The following USP42 variants were observed in gnomAD, a reference collection of about 807,000 sequenced individuals.
The protein encoded by USP42 is ubiquitin carboxyl-terminal hydrolase 42.
USP42 carries 23 observed loss-of-function variants against 113.0 expected under a neutral mutation model. That is an observed-to-expected ratio of 0.20 (90% CI 0.15 to 0.29). The LOEUF (loss-of-function observed/expected upper bound fraction) is 0.29, where lower values mean the gene tolerates loss of function less well. Ranked by LOEUF, USP42 falls within the 10% of genes least tolerant of loss-of-function variation. The pLI, the probability that USP42 is intolerant of heterozygous loss-of-function variation, is 1.00. For missense variants in USP42, 2,174 were observed against 1,779.8 expected (o/e 1.22, Z -3.99); for synonymous variants, 933 against 699.0 (o/e 1.33, Z -5.28).
intron 1 of USP42, among the ~76,000 whole-genome samples, chr7:6,110,903 G>T (rs1245068665): frequency 1.3e-5 from 2 of 152,178 alleles, no homozygotes; most frequent in African/African-American, 4.8e-5. Context: ...CTTCACTGAA[G>T]ATTTTAAAAT....
At position 6,155,111 on chromosome 7, in the gene USP42, C is replaced by T. The variant is rs549194381; in HGVS notation, c.3557C>T (p.Pro1186Leu). Residue 1186 changes from proline to leucine, a missense_variant, in exon 15 of 18, where the codon CCT (proline) becomes CTT (leucine). Pro to Leu is a moderately conservative substitution (Grantham distance 98). Transcript: ENST00000306177. ...KKARRSEQKD[P>L]LEEPKAKKHK... ...GCCCGGAGGAGCGAACAGAAGGATCCTCTAGAAGAGCCTAAAGCAAAGAAG... is the reference window on the plus strand; with the variant it reads ...GCCCGGAGGAGCGAACAGAAGGATCTTCTAGAAGAGCCTAAAGCAAAGAAG... The T allele has an allele frequency of 2.1e-5, 33 of 1,558,974 alleles. No individual in the cohort carries two copies. The African/African-American group carries it at 3.0e-4, about 14-fold the overall frequency.
chr7:6,156,776 T>C lies in USP42; in HGVS notation c.3664T>C (p.Ser1222Pro). The C allele has an allele frequency of 6.4e-7, 1 of 1,569,446 alleles. No homozygotes were observed. Among genetic ancestry groups the C allele is most frequent in the East Asian group, 2.2e-5 (1 of 44,676 alleles). ...DSRHQQDSDL[S>P]AACSDADLHR... ...CAGGCATCAGCAGGACTCAGACCTC[T>C]CAGCAGCGTGCTCTGACGCTGACCT... is the stretch of plus-strand genomic sequence containing the variant. The change falls in exon 16 of 18, where the codon TCA becomes CCA. Residue 1222 changes from serine (S) to proline (P), a missense_variant. Physicochemically the swap from Ser to Pro is moderately conservative, Grantham distance 74. Transcript: ENST00000306177.
At chr7:6,155,793 C>A (rs1365718068) in intron 15 of USP42, among the ~76,000 whole-genome samples, 1 of 152,134 alleles carries the variant, frequency 6.6e-6, no homozygotes, top group African/African-American at 2.4e-5. Flanking sequence ...GCTCTGTCAC[C>A]CAGGCTGGAG....
At chr7:6,116,898 G>T (rs778601962) in intron 3 of USP42, 6 of 516,182 alleles carry the variant, frequency 1.2e-5, no homozygotes. Flanking sequence ...GCAAGAGAGA[G>T]GACCAAGACA....
At chr7:6,126,373 C>T (rs1330935079) in intron 3 of USP42, among the ~76,000 whole-genome samples, 1 of 152,004 alleles carries the variant, frequency 6.6e-6, no homozygotes, top group African/African-American at 2.4e-5. Context: ...CAGGCTTCGC[C>T]TCCTGGCTTC....
At chr7:6,085,626 T>TA in the USP42 span, among the ~76,000 whole-genome samples, 945 of 146,688 alleles carry the variant, frequency 6.4e-3, 49 homozygotes, top group African/African-American at 0.023. Flanking sequence ...ATATATATAT[T>TA]TTTTTTGAGA....
Position 6,161,535 on chromosome 7 carries a change from T to C in USP42, c.*1017T>C, listed in dbSNP as rs1436121150. On this transcript the variant is annotated 3_prime_UTR_variant, in exon 18 of 18. Coordinates refer to ENST00000306177, the MANE Select transcript of USP42 (RefSeq NM_032172.3). ...CTGTAAATATACAGCATGTAAAATT[T>C]CTATAGTATATAAATGGCAGCAAAT... The C allele has an allele frequency of 1.3e-5, 2 of 152,658 alleles. No individual in the cohort carries two copies. The highest frequency in any genetic ancestry group is 4.8e-5 in the African/African-American group (2 of 41,450). 9.5% of individuals were successfully genotyped at this position (152,658 alleles called of 1,614,324 possible).
chr7:6,096,111 A>C, the USP42 span, among the ~76,000 whole-genome samples: 1 of 150,906 alleles, frequency 6.6e-6, no homozygotes, highest in South Asian at 2.1e-4. Flanking sequence ...GAATCTGGGC[A>C]GATGTTCGTG....
rs776640743 is a variant in USP42 at position 6,159,058 on chromosome 7, C to T, written c.3944-392C>T. Among the ~76,000 whole-genome samples the T allele has an allele frequency of 2.0e-4, 31 of 152,302 alleles. No homozygotes were observed. The highest frequency in any genetic ancestry group is 4.1e-4 in the Non-Finnish European group (28 of 68,022). ...AGCCTTTCTTGTCCTTCTGAGAAGG[C>T]CGCTGCCCGGCCCCGCCTCACCCAG... On this transcript the variant is annotated intron_variant, in intron 16 of 17. Coordinates refer to ENST00000306177, the MANE Select transcript of USP42 (RefSeq NM_032172.3). This position sits in a 1 kb window ranked among gnomAD's most constrained non-coding sequence, Gnocchi z 4.1.
At position 6,143,321 on chromosome 7, in the gene USP42, G is replaced by A. The variant is rs563196258; in HGVS notation, c.878+307G>A. ...TGCTGCTTCAGGTGTGGCTGGGCAC[G>A]CACTGTCTGCCAAATAGCATTTTCA... On this transcript the variant is annotated intron_variant, in intron 8 of 17. Coordinates refer to ENST00000306177, the MANE Select transcript of USP42 (RefSeq NM_032172.3). Among the ~76,000 whole-genome samples, 45 of 152,282 alleles carry A rather than the reference G, an allele frequency of 3.0e-4. 1 individual carries two copies. In the South Asian group the frequency reaches 6.4e-3, roughly 22 times the overall value.
At chr7:6,123,183 C>T (rs568102121) in intron 3 of USP42, among the ~76,000 whole-genome samples, 1 of 152,100 alleles carries the variant, frequency 6.6e-6, no homozygotes, top group African/African-American at 2.4e-5. Context: ...CCCTCTTCAT[C>T]CCAAATAATA....
At chr7:6,116,242 C>A (rs10272684) in intron 3 of USP42, among the ~76,000 whole-genome samples, 51,699 of 151,986 alleles carry the variant, frequency 0.34, 11,736 homozygotes, top group East Asian at 0.73. Context: ...GAGGGACTCT[C>A]TTGTCACTGC....
upstream of USP42, among the ~76,000 whole-genome samples, chr7:6,104,215 T>A (rs1393420037): frequency 1.3e-5 from 2 of 151,314 alleles, 1 homozygote; most frequent in African/African-American, 4.9e-5. Flanking sequence ...CCCGAGTAGC[T>A]GGGACTACAG....
At chr7:6,107,696 C>T (rs1171825879) in intron 1 of USP42, among the ~76,000 whole-genome samples, 4 of 152,028 alleles carry the variant, frequency 2.6e-5, no homozygotes, top group African/African-American at 9.7e-5. Context: ...GGTGTGAGCA[C>T]CTGCGCCCGG....
rs568642511 is a variant in USP42, at chr7:6,150,056, G to A, written c.1860G>A (p.Lys620=). The change falls in exon 13 of 18, where the codon AAG becomes AAA. Residue 620 remains lysine, a synonymous_variant. Coordinates refer to ENST00000306177, the MANE Select transcript of USP42 (RefSeq NM_032172.3). ...CTGAGGACTCTGACGAGGAGTCAAA[G>A]GGGCTGGGCAAGGAGAATGGGATTG... ...ESSEDSDEES[K]GLGKENGIGT... 6 of 1,609,840 alleles carry A rather than the reference G, an allele frequency of 3.7e-6. No individual in the cohort carries two copies. The highest frequency in any genetic ancestry group is 3.4e-5 in the Admixed American group (2 of 59,088).
intron 1 of USP42, among the ~76,000 whole-genome samples, chr7:6,107,115 GCGAATGGATAGC>G (rs1388235864): frequency 3.3e-5 from 5 of 152,320 alleles, no homozygotes; most frequent in Admixed American, 3.3e-4. Flanking sequence ...ACAAATGAAG[GCGAATGGATAGC>G]TTTGGTTGGT....
In USP42 at chr7:6,154,730, G is replaced by GCCGGTACTA. The variant is rs1782323037; in HGVS notation, c.3179_3187dup (p.Arg1060_Tyr1062dup). Reference sequence around the variant, plus strand: ...CCCGACAGGCCGCGCTGGGACAGGTGCCGGTACTACCATGACAGGTACGCC... The same window carrying GCCGGTACTA: ...CCCGACAGGCCGCGCTGGGACAGGTGCCGGTACTACCGGTACTACCATGACAGGTACGCC... On this transcript the variant is annotated inframe_insertion, in exon 15 of 18. Transcript: ENST00000306177. 6.3e-7 allele frequency: 1 copy of GCCGGTACTA among 1,585,002 alleles called. No individual in the cohort carries two copies. The highest frequency in any genetic ancestry group is 8.6e-7 in the Non-Finnish European group (1 of 1,167,278).
At chr7:6,143,894 A>AAG (rs1328478270) in intron 8 of USP42, among the ~76,000 whole-genome samples, 191 bp from the exon 9 acceptor site, 1 of 152,098 alleles carries the variant, frequency 6.6e-6, no homozygotes, top group Non-Finnish European at 1.5e-5. Flanking sequence ...TTTCATGCTA[A>AAG]TTAAGCAGTT....
Position 6,150,045 on chromosome 7 carries a change from G to C in USP42, c.1849G>C (p.Glu617Gln). Residue 617 changes from glutamate to glutamine, a missense_variant, in exon 13 of 18, where the codon GAG (glutamate) becomes CAG (glutamine). Transcript: ENST00000306177. ...CGCCGAGTCCTCTGAGGACTCTGAC[G>C]AGGAGTCAAAGGGGCTGGGCAAGGA... is the stretch of plus-strand genomic sequence containing the variant. ...YGAESSEDSD[E>Q]ESKGLGKENG... The C allele has an allele frequency of 6.2e-7, 1 of 1,610,758 alleles. No homozygotes were observed. Among genetic ancestry groups the C allele is most frequent in the Non-Finnish European group, 8.5e-7 (1 of 1,178,358 alleles).
Sources: gnomAD v4.1 joint callset for allele counts (sites outside exome capture counted in the v4.1 genomes callset) on GRCh38, gnomAD v4.1.1 for gene constraint, Gnocchi (gnomAD v3.1) non-coding constraint, MANE v1.5 for transcripts, NCBI Gene and HGNC (gene_info 2026-07-23, HGNC 2026-07-21) for gene names.